The following DMTF1 variants were observed in gnomAD, a reference collection of about 807,000 sequenced individuals.
DMTF1 encodes cyclin-D-binding Myb-like transcription factor 1.
DMTF1 carries 39 observed loss-of-function variants against 91.1 expected under a neutral mutation model. The observed-to-expected ratio is 0.43, with a 90% CI of 0.33 to 0.56. The LOEUF (loss-of-function observed/expected upper bound fraction) is 0.56. Ranked by LOEUF, DMTF1 falls within the 20% of genes least tolerant of loss-of-function variation. The pLI, the probability that DMTF1 is intolerant of heterozygous loss-of-function variation, is 0.05. For synonymous variants in DMTF1, 338 were observed against 309.5 expected (o/e 1.09, Z -0.97); for missense variants, 750 against 914.5 (o/e 0.82, Z 2.32).
intron 16 of DMTF1, chr7:87,194,319 A>G (rs910802450): frequency 1.5e-5 from 8 of 544,792 alleles, no homozygotes; most frequent in South Asian, 8.9e-5. Flanking sequence ...GTTCCTCACT[A>G]AAACTTTTTC....
intron 13 of DMTF1, among the ~76,000 whole-genome samples, chr7:87,190,168 C>A (rs571527595): frequency 6.6e-6 from 1 of 152,176 alleles, no homozygotes; most frequent in East Asian, 1.9e-4. Context: ...TCAGTTGACA[C>A]ACATGTAAAG....
At chr7:87,181,800 G>A (rs1445020340) in intron 9 of DMTF1, among the ~76,000 whole-genome samples, 1 of 152,106 alleles carries the variant, frequency 6.6e-6, no homozygotes, top group African/African-American at 2.4e-5. Flanking sequence ...TTAAAGTATG[G>A]TTTAATGAAT....
rs1404929174 is a variant in DMTF1, at chr7:87,195,737, CACT to C, written c.*600_*602del. ...CAGGAAAGCATTAAAAGTTAAAATT[CACT>C]ACAGGTTTTTTGTTACTTTTAAAGG... On this transcript the variant is annotated 3_prime_UTR_variant, in exon 18 of 18. Transcript: ENST00000331242. 4 of 152,470 alleles carry C rather than the reference CACT, an allele frequency of 2.6e-5. No individual in the cohort carries two copies. The highest frequency in any genetic ancestry group is 6.6e-5 in the Admixed American group (1 of 15,244). The allele number at this position is 152,470 out of a possible 1,614,324, so 9.4% of individuals were successfully genotyped here.
In DMTF1 at chr7:87,195,288, A is replaced by G. The variant is rs969092355; in HGVS notation, c.*148A>G. On this transcript the variant is annotated 3_prime_UTR_variant, in exon 18 of 18. Coordinates refer to ENST00000331242, the MANE Select transcript of DMTF1 (RefSeq NM_001142327.2). Reference sequence around the variant, plus strand: ...AGCCACACACATTGTTGCTGCTATGACTTTTTACCTCCTTTAAACACATCA... The same window carrying G: ...AGCCACACACATTGTTGCTGCTATGGCTTTTTACCTCCTTTAAACACATCA... 3.3e-6 allele frequency: 2 copies of G among 599,086 alleles called. No individual in the cohort carries two copies. 37.1% of individuals were successfully genotyped at this position (599,086 alleles called of 1,614,324 possible).
chr7:87,174,688 TTA>T lies in DMTF1; in HGVS notation c.519+21_519+22del. 1 of 1,566,534 alleles carries T rather than the reference TTA, an allele frequency of 6.4e-7. No individual in the cohort carries two copies. Among genetic ancestry groups the T allele is most frequent in the Non-Finnish European group, 8.7e-7 (1 of 1,143,538 alleles). On this transcript the variant is annotated intron_variant, in intron 7 of 17. Transcript: ENST00000331242. The stretch of plus-strand genomic sequence containing the variant: ...TCTTAAGGTATCTTATGGCATATTT[TTA>T]TGTTTCACCAATTTGTTTATTGCCA...
chr7:87,166,114 C>T lies in DMTF1; in HGVS notation c.110-369C>T, dbSNP rs990696671. On this transcript the variant is annotated intron_variant, in intron 3 of 17. Transcript: ENST00000331242. ...CTTTCCTCATAGTCTTACCTCCTGC[C>T]GCATTTCATATACCTGTGTTCCAGC... Among the ~76,000 whole-genome samples the T allele has an allele frequency of 4.6e-5, 7 of 152,182 alleles. No homozygotes were observed. In the East Asian group the frequency reaches 9.6e-4, roughly 21 times the overall value.
chr7:87,166,673 C>T, intron 4 of DMTF1, 68 bp downstream of exon 4: 2 of 1,493,532 alleles, frequency 1.3e-6, no homozygotes, highest in Admixed American at 3.6e-5. Flanking sequence ...CCAAGGCTTT[C>T]AGTTGGCATT....
Position 87,185,235 on chromosome 7 carries a change from T to C in DMTF1, c.1050-594T>C. On this transcript the variant is annotated intron_variant, in intron 11 of 17. Transcript: ENST00000331242. ...GAAATTATTTAAGACCCTGAAGTAATAGAGACTGTCACCATGGCTACTCCC... is the reference window on the plus strand; with the variant it reads ...GAAATTATTTAAGACCCTGAAGTAACAGAGACTGTCACCATGGCTACTCCC... 2.0e-5 allele frequency among the ~76,000 whole-genome samples: 3 copies of C among 152,324 alleles called. No individual in the cohort carries two copies. In the East Asian group the frequency reaches 5.8e-4, roughly 29 times the overall value.
At chr7:87,192,803 A>T (rs1468319745) in intron 14 of DMTF1, 1 of 160,858 alleles carries the variant, frequency 6.2e-6, no homozygotes, top group Non-Finnish European at 1.4e-5. Flanking sequence ...AATTTCCCAA[A>T]ATTATACCGT....
At chr7:87,166,972 T>C (rs1793971162) in intron 4 of DMTF1, among the ~76,000 whole-genome samples, 1 of 152,244 alleles carries the variant, frequency 6.6e-6, no homozygotes, top group Non-Finnish European at 1.5e-5. Context: ...TAAAATTGTT[T>C]GTCACATGCA....
chr7:87,194,436 G>A, intron 16 of DMTF1: 3 of 484,588 alleles, frequency 6.2e-6, no homozygotes, highest in East Asian at 3.4e-5. Flanking sequence ...ATCCTACACT[G>A]TAACAGCATT....
At chr7:87,157,782 T>C (rs868866903) in intron 1 of DMTF1, among the ~76,000 whole-genome samples, 29 of 152,044 alleles carry the variant, frequency 1.9e-4, no homozygotes, top group African/African-American at 6.3e-4. Context: ...AGCTATAAGG[T>C]TATATTATAA....
chr7:87,173,724 CTGAGTTGG>C, intron 6 of DMTF1, 75 bp downstream of exon 6: 1 of 803,514 alleles, frequency 1.2e-6, no homozygotes, highest in Admixed American at 2.8e-5. Context: ...CATCAGGATT[CTGAGTTGG>C]ACCTTCATCA....
At chr7:87,165,998 T>C (rs1170186900) in intron 3 of DMTF1, among the ~76,000 whole-genome samples, 52 of 152,216 alleles carry the variant, frequency 3.4e-4, no homozygotes, top group Admixed American at 3.3e-3. Flanking sequence ...ATGAAATTGT[T>C]CCTGATACAT....
chr7:87,159,595 G>A (rs1248663070), intron 1 of DMTF1, among the ~76,000 whole-genome samples: 1 of 152,182 alleles, frequency 6.6e-6, no homozygotes, highest in Non-Finnish European at 1.5e-5. Context: ...TAAAATGGCT[G>A]TTAAAATTGT....
In DMTF1 at chr7:87,196,294, G is replaced by A. The variant is rs2129214742; in HGVS notation, c.*1154G>A. 1 of 183,912 alleles carries A rather than the reference G, an allele frequency of 5.4e-6. No homozygotes were observed. Among genetic ancestry groups the A allele is most frequent in the Non-Finnish European group, 1.1e-5 (1 of 89,278 alleles). 11.4% of individuals were successfully genotyped at this position (183,912 alleles called of 1,614,324 possible). On this transcript the variant is annotated 3_prime_UTR_variant, in exon 18 of 18. Coordinates refer to ENST00000331242, the MANE Select transcript of DMTF1 (RefSeq NM_001142327.2). ...TGCCTAGGGAACAATTGTATATTCA[G>A]TTTAACAGAAATAAAAGAATATTTG...
chr7:87,175,263 C>T (rs1488220045), intron 7 of DMTF1, among the ~76,000 whole-genome samples: 1 of 152,040 alleles, frequency 6.6e-6, no homozygotes, highest in African/African-American at 2.4e-5. Flanking sequence ...TCAGGTGATC[C>T]ACCCATCTCG....
chr7:87,193,688 G>T (rs1227815512), intron 15 of DMTF1, 37 bp from the exon 16 acceptor site: 1 of 1,540,192 alleles, frequency 6.5e-7, no homozygotes, highest in Non-Finnish European at 8.8e-7. Context: ...AATGTCATTT[G>T]ATTTACAACT....
chr7:87,158,523 A>G (rs555534719), intron 1 of DMTF1, among the ~76,000 whole-genome samples: 1 of 152,200 alleles, frequency 6.6e-6, no homozygotes, highest in East Asian at 1.9e-4. Context: ...TGAGTCATCA[A>G]TGAGTTAAAA....
Sources: allele counts gnomAD v4.1 joint callset (sites outside exome capture counted in the v4.1 genomes callset), GRCh38; gene constraint gnomAD v4.1.1; transcripts MANE v1.5; gene names NCBI Gene and HGNC (gene_info 2026-07-23, HGNC 2026-07-21).